The following PPCS variants were observed in gnomAD, a reference collection of about 807,000 sequenced individuals.
PPCS encodes phosphopantothenate--cysteine ligase.
Under a neutral mutation model 24.6 loss-of-function variants are expected in PPCS, and 17 were observed. The ratio of observed to expected loss-of-function variants is 0.69; its 90% CI spans 0.47 to 1.04. The LOEUF is 1.04. Among genes scored for constraint, PPCS ranks in the 50% least tolerant of loss-of-function variants. PPCS has a pLI of 0.00. For missense variants in PPCS, 360 were observed against 402.8 expected (o/e 0.89, Z 0.91); for synonymous variants, 190 against 168.3 (o/e 1.13, Z -1.00).
rs750555341 is a variant in PPCS, at chr1:42,459,659, C to T, written c.669C>T (p.Pro223=). The change falls in exon 3 of 3, where the codon CCC becomes CCT. Residue 223 remains proline (P), a synonymous_variant. Coordinates refer to ENST00000372561, the MANE Select transcript of PPCS (RefSeq NM_024664.4). The part of the protein sequence containing the change: ...LLSPLVKDWA[P]KAFIISFKLE... ...CTCCTTTGGTTAAAGATTGGGCTCC[C>T]AAAGCATTTATAATTTCCTTTAAGT... 6.2e-7 allele frequency: 1 copy of T among 1,614,026 alleles called. No homozygotes were observed. The highest frequency in any genetic ancestry group is 8.5e-7 in the Non-Finnish European group (1 of 1,179,984).
Position 42,469,021 on chromosome 1 carries a change from TAAAA to T in PPCS, n.378-4091_378-4088del, listed in dbSNP as rs529616688. ...AGAAAGTGACATCACAGAACAGAAT[TAAAA>T]AAAAAAAAACTTTCAGGGAAGGAGT... On this transcript the variant is annotated intron_variant and non_coding_transcript_variant, in intron 2 of 2. Coordinates refer to the PPCS transcript ENST00000471420. Among the ~76,000 whole-genome samples the T allele has an allele frequency of 2.5e-3, 338 of 137,880 alleles. 2 individuals carry two copies. Among genetic ancestry groups the T allele is most frequent in the African/African-American group, 8.7e-3 (325 of 37,510 alleles). The allele number at this position is 137,880 out of a possible 152,430, so 90.5% of individuals were successfully genotyped here.
downstream of PPCS, among the ~76,000 whole-genome samples, chr1:42,461,987 G>A (rs2148424603): frequency 6.6e-6 from 1 of 152,328 alleles, no homozygotes; most frequent in African/African-American, 2.4e-5. Flanking sequence ...GCTTTATGTG[G>A]ATGATGACTG....
At chr1:42,469,666 T>C (rs892359916) in intron 2 of PPCS, among the ~76,000 whole-genome samples, 1 of 152,116 alleles carries the variant, frequency 6.6e-6, no homozygotes, top group African/African-American at 2.4e-5. Flanking sequence ...GGGATTAACC[T>C]TGATCAGGAG....
At chr1:42,473,333 A>G in exon 3 of PPCS, 2 of 1,155,618 alleles carry the variant, frequency 1.7e-6, no homozygotes, top group Non-Finnish European at 2.2e-6. Context: ...AATTTTAAAG[A>G]CACCTGTGAT....
At chr1:42,467,769 T>TG (rs1643636332) in intron 2 of PPCS, 1 of 152,198 alleles carries the variant, frequency 6.6e-6, no homozygotes, top group Non-Finnish European at 1.5e-5. Context: ...ACTGACTGAA[T>TG]GGGGAAAATA....
At chr1:42,465,559 T>C (rs2809661), downstream of PPCS, among the ~76,000 whole-genome samples, 16 of 152,086 alleles carry the variant, frequency 1.1e-4, no homozygotes, top group Non-Finnish European at 1.5e-4. Context: ...AGACGGGGTT[T>C]CTCCACGTTG....
chr1:42,473,371 C>A, exon 3 of PPCS: 2 of 919,480 alleles, frequency 2.2e-6, no homozygotes, highest in Non-Finnish European at 2.8e-6. Flanking sequence ...ATTAAATTGA[C>A]ATATTAAAAA....
At position 42,456,919 on chromosome 1, in the gene PPCS, G is replaced by A. The variant is rs374719199; in HGVS notation, c.354G>A (p.Leu118=). 4 of 1,609,672 alleles carry A rather than the reference G, an allele frequency of 2.5e-6. No homozygotes were observed. The African/African-American group carries it at 5.3e-5, about 21-fold the overall frequency. ...SGPALSGLLS[L]EAEENALPGF... The stretch of plus-strand genomic sequence containing the variant: ...CAGCCCTTTCGGGCTTGCTGAGCCT[G>A]GAGGCCGAGGAGAATGCACTTCCGG... The change falls in exon 1 of 3, where the codon CTG becomes CTA. Residue 118 remains leucine (L), a synonymous_variant. Transcript: ENST00000372561.
exon 3 of PPCS, chr1:42,473,199 A>T (rs1265518028): frequency 3.2e-6 from 4 of 1,231,216 alleles, no homozygotes; most frequent in South Asian, 4.1e-5. Flanking sequence ...CAGAAGAACA[A>T]CTCTGTTTGG....
chr1:42,458,710 G>C, intron 2 of PPCS, among the ~76,000 whole-genome samples: 1 of 152,152 alleles, frequency 6.6e-6, no homozygotes, highest in East Asian at 1.9e-4. Flanking sequence ...TAATCTCTGG[G>C]ATCTTTAGTT....
downstream of PPCS, chr1:42,463,505 G>A (rs974534025): frequency 2.6e-5 from 4 of 152,194 alleles, no homozygotes; most frequent in African/African-American, 9.7e-5. Flanking sequence ...ACTACAGGAG[G>A]GGAACCCCTC....
chr1:42,460,135 AT>A lies in PPCS; in HGVS notation c.*210del. The A allele has an allele frequency of 1.5e-6, 2 of 1,305,962 alleles. No individual in the cohort carries two copies. The highest frequency in any genetic ancestry group is 1.9e-6 in the Non-Finnish European group (2 of 1,030,262). The allele number at this position is 1,305,962 out of a possible 1,614,324, so 80.9% of individuals were successfully genotyped here. On this transcript the variant is annotated 3_prime_UTR_variant, in exon 3 of 3. Coordinates refer to ENST00000372561, the MANE Select transcript of PPCS (RefSeq NM_024664.4). The stretch of plus-strand genomic sequence containing the variant: ...TTGAAATTGAACACTAGAACTGTTA[AT>A]CACCTTTAAAAAGAAGAGCTTATTG...
chr1:42,473,212 C>T (rs1643825682), exon 3 of PPCS: 2 of 1,231,410 alleles, frequency 1.6e-6, no homozygotes, highest in East Asian at 6.3e-5. Context: ...CTGTTTGGTG[C>T]TTATTCCAGC....
chr1:42,462,953 A>G (rs11809687), downstream of PPCS, among the ~76,000 whole-genome samples: 972 of 152,346 alleles, frequency 6.4e-3, 9 homozygotes, highest in African/African-American at 0.022. Flanking sequence ...GAATGAAGGA[A>G]CTTGTAGAAA....
In PPCS at chr1:42,460,464, A is replaced by T. The variant is rs1391131029; in HGVS notation, c.*538A>T. ...TCAAATATAGTAGTAGGAAAGAAGGATACCTCCCTGAAGATAGATTGTAGA... is the reference window on the plus strand; with the variant it reads ...TCAAATATAGTAGTAGGAAAGAAGGTTACCTCCCTGAAGATAGATTGTAGA... On this transcript the variant is annotated 3_prime_UTR_variant, in exon 3 of 3. Coordinates refer to ENST00000372561, the MANE Select transcript of PPCS (RefSeq NM_024664.4). 1.6e-5 allele frequency: 13 copies of T among 795,390 alleles called. No individual in the cohort carries two copies. Among genetic ancestry groups the T allele is most frequent in the Non-Finnish European group, 2.0e-5 (13 of 656,222 alleles). The allele number at this position is 795,390 out of a possible 1,614,324, so 49.3% of individuals were successfully genotyped here.
Position 42,456,923 on chromosome 1 carries a change from G to A in PPCS, c.358G>A (p.Ala120Thr), listed in dbSNP as rs781471319. 1.2e-6 allele frequency: 2 copies of A among 1,609,686 alleles called. No homozygotes were observed. Among genetic ancestry groups the A allele is most frequent in the Admixed American group, 3.3e-5 (2 of 60,032 alleles). ...CCTTTCGGGCTTGCTGAGCCTGGAG[G>A]CCGAGGAGAATGCACTTCCGGGTTT... ...PALSGLLSLE[A>T]EENALPGFAE... The change falls in exon 1 of 3, where the codon GCC becomes ACC. Residue 120 changes from alanine to threonine, a missense_variant. Physicochemically the swap from Ala to Thr is moderately conservative, Grantham distance 58. Transcript: ENST00000372561.
intron 1 of PPCS, 64 bp from the exon 2 acceptor site, chr1:42,457,183 G>A (rs760904560): frequency 2.1e-4 from 345 of 1,606,696 alleles, no homozygotes; most frequent in Non-Finnish European, 2.9e-4. Flanking sequence ...AACCCGAGTT[G>A]AGAAGGAGCT....
At chr1:42,469,772 A>G (rs1223813714) in intron 2 of PPCS, among the ~76,000 whole-genome samples, 1 of 152,142 alleles carries the variant, frequency 6.6e-6, no homozygotes, top group East Asian at 1.9e-4. Flanking sequence ...CTGTTTTATG[A>G]TGACCTTTGT....
rs1162713799 is a variant in PPCS, at chr1:42,456,961, G to C, written c.396G>C (p.Leu132=). 6.2e-7 allele frequency: 1 copy of C among 1,604,648 alleles called. No homozygotes were observed. Among genetic ancestry groups the C allele is most frequent in the South Asian group, 1.1e-5 (1 of 91,090 alleles). The change falls in exon 1 of 3, where the codon CTG becomes CTC. Residue 132 remains leucine (L), a synonymous_variant. Coordinates refer to ENST00000372561, the MANE Select transcript of PPCS (RefSeq NM_024664.4). ...ENALPGFAEA[L]RSYQEAAAAG... ...CACTTCCGGGTTTTGCTGAGGCTCT[G>C]AGGAGCTACCAGGAGGCTGCGGCTG...
Sources: gnomAD v4.1 joint callset for allele counts (sites outside exome capture counted in the v4.1 genomes callset) on GRCh38, gnomAD v4.1.1 for gene constraint, MANE v1.5 for transcripts, NCBI Gene and HGNC (gene_info 2026-07-23, HGNC 2026-07-21) for gene names.